Variants in IFT88 observed in about 807,000 individuals in gnomAD.
IFT88 encodes intraflagellar transport protein 88 homolog.
A neutral mutation model predicts 119.5 loss-of-function variants in IFT88; 74 were observed. The ratio of observed to expected loss-of-function variants is 0.62; its 90% CI spans 0.51 to 0.75. The LOEUF (loss-of-function observed/expected upper bound fraction) is 0.75. Ranked by LOEUF, IFT88 falls within the 30% of genes least tolerant of loss-of-function variation. The probability of loss-of-function intolerance (pLI) is 0.00; values close to 1 mark genes in which losing one functional copy is unlikely to be tolerated. For synonymous variants in IFT88, 279 were observed against 316.7 expected (o/e 0.88, Z 1.26); for missense variants, 961 against 977.7 (o/e 0.98, Z 0.23).
chr13:20,648,553 G>A (rs1276055872), intron 20 of IFT88, among the ~76,000 whole-genome samples: 2 of 151,552 alleles, frequency 1.3e-5, no homozygotes, highest in Non-Finnish European at 2.9e-5. Flanking sequence ...ACTAAAAATC[G>A]AAATAGTACA....
intron 24 of IFT88, among the ~76,000 whole-genome samples, chr13:20,682,350 C>A (rs2057419638): frequency 6.6e-6 from 1 of 152,214 alleles, no homozygotes; most frequent in Non-Finnish European, 1.5e-5. Flanking sequence ...TATGCACTTG[C>A]TTCTCAATCA....
intron 7 of IFT88, among the ~76,000 whole-genome samples, chr13:20,594,551 T>G (rs1028586809): frequency 6.6e-6 from 1 of 152,216 alleles, no homozygotes; most frequent in Non-Finnish European, 1.5e-5. Flanking sequence ...TTTTTGCATT[T>G]GATAGGGACA....
intron 24 of IFT88, among the ~76,000 whole-genome samples, chr13:20,689,041 C>A (rs1413564235): frequency 6.6e-6 from 1 of 152,224 alleles, no homozygotes; most frequent in East Asian, 1.9e-4. Context: ...TCAAGCAATT[C>A]TTCTGCCTCA....
At chr13:20,664,642 A>G (rs186923280) in intron 23 of IFT88, among the ~76,000 whole-genome samples, 50 of 152,332 alleles carry the variant, frequency 3.3e-4, no homozygotes, top group African/African-American at 1.2e-3. Flanking sequence ...TCAAAGCAAG[A>G]GTGTATGTTT....
At chr13:20,603,583 T>G (rs1236293669) in intron 12 of IFT88, among the ~76,000 whole-genome samples, 1 of 152,092 alleles carries the variant, frequency 6.6e-6, no homozygotes, top group African/African-American at 2.4e-5. Flanking sequence ...AATGAGTTAA[T>G]GCATGTGAAA....
At chr13:20,666,515 G>A (rs957945148) in intron 23 of IFT88, among the ~76,000 whole-genome samples, 19 of 152,252 alleles carry the variant, frequency 1.2e-4, no homozygotes, top group African/African-American at 4.6e-4. Context: ...TCCAGTCCCC[G>A]GAAGAGTAGC....
At chr13:20,569,300 G>T (rs560003429) in intron 1 of IFT88, among the ~76,000 whole-genome samples, 1 of 152,218 alleles carries the variant, frequency 6.6e-6, no homozygotes, top group East Asian at 1.9e-4. Flanking sequence ...TTGGCCAGGC[G>T]TGGTGGCTCA....
intron 22 of IFT88, among the ~76,000 whole-genome samples, chr13:20,660,715 T>C (rs1353106447): frequency 1.3e-5 from 2 of 152,134 alleles, no homozygotes; most frequent in Non-Finnish European, 2.9e-5. Flanking sequence ...TGCACAAATA[T>C]AGCTCTGGGA....
chr13:20,623,843 AC>A (rs924897238), intron 14 of IFT88, among the ~76,000 whole-genome samples: 1 of 151,916 alleles, frequency 6.6e-6, no homozygotes, highest in Non-Finnish European at 1.5e-5. Context: ...CAAGTCTTTA[AC>A]CTCCTTGGTT....
intron 22 of IFT88, among the ~76,000 whole-genome samples, chr13:20,661,222 G>A (rs2053726058): frequency 1.3e-5 from 2 of 152,170 alleles, no homozygotes; most frequent in African/African-American, 2.4e-5. Context: ...ACATAATTAG[G>A]TTTTACAGAG....
At chr13:20,654,592 G>A (rs1442076266) in intron 21 of IFT88, among the ~76,000 whole-genome samples, 1 of 152,160 alleles carries the variant, frequency 6.6e-6, no homozygotes. Flanking sequence ...AGGGAAGAGG[G>A]AAGCACAAGT....
chr13:20,667,694 G>GCCTC (rs1555306852), intron 23 of IFT88, among the ~76,000 whole-genome samples: 2 of 150,936 alleles, frequency 1.3e-5, no homozygotes, highest in African/African-American at 4.9e-5. Flanking sequence ...CGCCCACCTC[G>GCCTC]GCCTCCCAAA....
intron 12 of IFT88, 72 bp downstream of exon 12, chr13:20,602,005 G>A: frequency 9.5e-6 from 8 of 841,050 alleles, no homozygotes; most frequent in Non-Finnish European, 1.5e-5. Flanking sequence ...GAATGAGAAA[G>A]CCAGAATAGA....
chr13:20,645,158 C>T (rs755503567), intron 20 of IFT88, among the ~76,000 whole-genome samples, 200 bp downstream of exon 20: 8 of 152,100 alleles, frequency 5.3e-5, no homozygotes, highest in South Asian at 4.1e-4. Context: ...GGCGTGATCT[C>T]GGCTCACTGC....
intron 22 of IFT88, among the ~76,000 whole-genome samples, chr13:20,657,663 C>A (rs904822160): frequency 2.0e-5 from 3 of 152,106 alleles, no homozygotes; most frequent in African/African-American, 7.2e-5. Context: ...CACAGTGGCT[C>A]ACGCCTGTAA....
At chr13:20,582,448 C>T (rs1286050713) in intron 2 of IFT88, among the ~76,000 whole-genome samples, 1 of 152,154 alleles carries the variant, frequency 6.6e-6, no homozygotes, top group African/African-American at 2.4e-5. Flanking sequence ...CAGACTTGAC[C>T]TCTCCAGTGA....
intron 14 of IFT88, among the ~76,000 whole-genome samples, chr13:20,622,099 T>C (rs886667307): frequency 1.3e-5 from 2 of 152,186 alleles, no homozygotes; most frequent in Non-Finnish European, 2.9e-5. Context: ...TTTCTTGGAT[T>C]TTTGAATATT....
chr13:20,649,647 A>C (rs1365675019), intron 20 of IFT88, among the ~76,000 whole-genome samples: 1 of 152,168 alleles, frequency 6.6e-6, no homozygotes, highest in Non-Finnish European at 1.5e-5. Flanking sequence ...AATAAAGGTT[A>C]GAGCAGAGAT....
At chr13:20,615,171 G>C (rs1420537007) in intron 13 of IFT88, among the ~76,000 whole-genome samples, 1 of 152,130 alleles carries the variant, frequency 6.6e-6, no homozygotes, top group South Asian at 2.1e-4. Context: ...TTATAGAATA[G>C]TATATACATT....
Sources: gnomAD v4.1 joint callset for allele counts (sites outside exome capture counted in the v4.1 genomes callset) on GRCh38, gnomAD v4.1.1 for gene constraint, MANE v1.5 for transcripts, NCBI Gene and HGNC (gene_info 2026-07-23, HGNC 2026-07-21) for gene names.